The following LETMD1 variants were observed in gnomAD, a reference collection of about 807,000 sequenced individuals.
LETMD1 encodes the protein LETM1 domain-containing protein 1.
LETMD1 carries 30 observed loss-of-function variants against 43.9 expected under a neutral mutation model. That is an observed-to-expected ratio of 0.68 (90% CI 0.51 to 0.93). The LOEUF is 0.93. LETMD1 is among the 40% of genes least tolerant of loss of function. LETMD1 has a pLI of 0.00. For synonymous variants in LETMD1, 176 were observed against 163.1 expected (o/e 1.08, Z -0.60); for missense variants, 413 against 447.7 (o/e 0.92, Z 0.70).
chr12:51,049,081 T>C lies in LETMD1; in HGVS notation c.170T>C (p.Met57Thr). The change falls in exon 2 of 9, where the codon ATG (methionine) becomes ACG (threonine). Residue 57 changes from methionine to threonine, a missense_variant. By Grantham distance (81) the Met-to-Thr change is moderately conservative. Transcript: ENST00000262055. ...LSPKADVKNL[M>T]SYVVTKTKAI... ...CCAAAGGCAGATGTGAAGAACTTGA[T>C]GTCTTATGTGGTAACCAAGACAAAA... The C allele has an allele frequency of 6.2e-7, 1 of 1,614,112 alleles. No individual in the cohort carries two copies.
chr12:51,055,624 C>T (rs1852388389), intron 4 of LETMD1: 3 of 439,644 alleles, frequency 6.8e-6, no homozygotes, highest in Middle Eastern at 6.1e-4. Context: ...GTGATCTTGC[C>T]ACTGTACTCC....
chr12:51,058,054 AT>A lies in LETMD1; in HGVS notation c.940del (p.Ser314LeufsTer23), dbSNP rs763017585. 1 of 1,613,466 alleles carries A rather than the reference AT, an allele frequency of 6.2e-7. No homozygotes were observed. The highest frequency in any genetic ancestry group is 1.7e-5 in the Admixed American group (1 of 60,018). ...TAGGCTTGTTATCTCCGTGGCCTGA[AT>A]TCTACGCATATTGGTGAAGATAGGT... ...VKSACYLRGL[N>X]STHIGEDRCR... On this transcript the variant is annotated frameshift_variant, in exon 8 of 9. Coordinates refer to ENST00000262055, the MANE Select transcript of LETMD1 (RefSeq NM_015416.5). LOFTEE classifies it high-confidence loss of function.
intron 5 of LETMD1, 37 bp from the exon 6 acceptor site, chr12:51,056,107 C>G (rs1266373985): frequency 4.4e-6 from 7 of 1,606,044 alleles, no homozygotes; most frequent in Middle Eastern, 3.3e-4. Flanking sequence ...GTAGTCAGGA[C>G]TTTCCTAACA....
intron 7 of LETMD1, chr12:51,056,708 A>G (rs1947847202): frequency 4.7e-6 from 2 of 426,412 alleles, no homozygotes; most frequent in Admixed American, 4.0e-5. Context: ...AGGCTAGAGT[A>G]CAGTGGCACA....
chr12:51,049,190 A>G lies in LETMD1; in HGVS notation c.274+5A>G. 6.2e-7 allele frequency: 1 copy of G among 1,607,112 alleles called. No individual in the cohort carries two copies. Among genetic ancestry groups the G allele is most frequent in the Non-Finnish European group, 8.5e-7 (1 of 1,176,228 alleles). ...TGTACACAATCTTCATGAAAGGTAA[A>G]AACGAAACTACAATAGAAATTCCGG... On this transcript the variant is annotated splice_donor_5th_base_variant and intron_variant, in intron 2 of 8. Transcript: ENST00000262055.
chr12:51,050,041 C>G (rs1945551880), intron 2 of LETMD1, among the ~76,000 whole-genome samples: 1 of 152,166 alleles, frequency 6.6e-6, no homozygotes, highest in Non-Finnish European at 1.5e-5. Context: ...TATCATAACA[C>G]TATAATAAAC....
At chr12:51,051,879 G>A (rs1485512383) in intron 2 of LETMD1, among the ~76,000 whole-genome samples, 2 of 152,174 alleles carry the variant, frequency 1.3e-5, no homozygotes, top group Admixed American at 6.6e-5. Flanking sequence ...GAAGCCAAAT[G>A]TAGCTAGAAG....
the LETMD1 span, chr12:51,067,606 G>C: frequency 1.3e-6 from 2 of 1,503,928 alleles, no homozygotes; most frequent in East Asian, 2.3e-5. The surrounding 1 kb of genome is among the most constrained non-coding windows in gnomAD (Gnocchi z 4.1). Flanking sequence ...CCCATGTTCA[G>C]TGGCACCCAC....
At chr12:51,062,677 C>T (rs1384987510), downstream of LETMD1, 1 of 152,086 alleles carries the variant, frequency 6.6e-6, no homozygotes, top group Non-Finnish European at 1.5e-5. Context: ...AGTATAAGAA[C>T]TCTAACCCGC....
At chr12:51,059,323 AGT>A in intron 8 of LETMD1, 36 bp from the exon 9 acceptor site, 1 of 1,584,036 alleles carries the variant, frequency 6.3e-7, no homozygotes, top group Non-Finnish European at 8.7e-7. Context: ...GTTATAAGGC[AGT>A]GTTCCCAAGC....
At chr12:51,066,228 G>A in the LETMD1 span, among the ~76,000 whole-genome samples, 1 of 152,168 alleles carries the variant, frequency 6.6e-6, no homozygotes, top group Non-Finnish European at 1.5e-5. Flanking sequence ...GCTGAGGCAG[G>A]CGGATCACGA....
intron 3 of LETMD1, 71 bp from the exon 4 acceptor site, chr12:51,053,707 G>A (rs969041687): frequency 9.1e-6 from 9 of 992,402 alleles, no homozygotes; most frequent in Non-Finnish European, 1.4e-5. Flanking sequence ...TGTACAGTGG[G>A]GTGGATGGAT....
At chr12:51,055,079 G>A (rs1370496201) in intron 4 of LETMD1, among the ~76,000 whole-genome samples, 1 of 151,878 alleles carries the variant, frequency 6.6e-6, no homozygotes, top group Non-Finnish European at 1.5e-5. Context: ...CAGCTTGGGT[G>A]ACAGAGCGAG....
rs1330063369 is a variant in LETMD1 at position 51,059,530 on chromosome 12, G to A, written c.*99G>A. The stretch of plus-strand genomic sequence containing the variant: ...GCAAAGTCTGTGTGTACTGTTAAGT[G>A]TGTGGGAGGCAGAGAGAGGAGCAGG... On this transcript the variant is annotated 3_prime_UTR_variant, in exon 9 of 9. Transcript: ENST00000262055. The A allele has an allele frequency of 1.9e-6, 2 of 1,067,056 alleles. No homozygotes were observed. Among genetic ancestry groups the A allele is most frequent in the Non-Finnish European group, 2.9e-6 (2 of 691,008 alleles). The allele number at this position is 1,067,056 out of a possible 1,614,324, so 66.1% of individuals were successfully genotyped here. A position where few individuals can be genotyped will look rare whatever the true frequency, so the allele number is the denominator to read the frequency against.
intron 2 of LETMD1, 118 bp downstream of exon 2, chr12:51,049,303 A>G: frequency 1.2e-6 from 1 of 831,820 alleles, no homozygotes; most frequent in Non-Finnish European, 1.9e-6. Flanking sequence ...GATATCTTAT[A>G]TTTCATAAAT....
Position 51,048,475 on chromosome 12 carries a change from C to T in LETMD1, c.119C>T (p.Pro40Leu). ...LGRSGLAWGA[P>L]RSSKLHLSPK... ...CGCTCTGGCCTGGCTTGGGGGGCCC[C>T]TCGGTGAGGGACCTGTAGCGAGAAA... is the stretch of plus-strand genomic sequence containing the variant. Residue 40 changes from proline to leucine, a missense_variant, in exon 1 of 9, where the codon CCT (proline) becomes CTT (leucine). By Grantham distance (98) the Pro-to-Leu change is moderately conservative. Transcript: ENST00000262055. 6.8e-6 allele frequency: 11 copies of T among 1,613,442 alleles called. No individual in the cohort carries two copies. The highest frequency in any genetic ancestry group is 9.3e-6 in the Non-Finnish European group (11 of 1,180,022).
In LETMD1 at chr12:51,052,002, TTTGCATGTGA is replaced by T. The variant is rs1228916212; in HGVS notation, c.275-86_275-77del. On this transcript the variant is annotated intron_variant, in intron 2 of 8. Transcript: ENST00000262055. ...GTATCGTTGGGGAGGGGTGAGAGTGTTTGCATGTGATTGAACATGGAGTAGGAAGCTGTGG... is the reference window on the plus strand; with the variant it reads ...GTATCGTTGGGGAGGGGTGAGAGTGTTTGAACATGGAGTAGGAAGCTGTGG... 1.5e-5 allele frequency: 18 copies of T among 1,187,682 alleles called. No individual in the cohort carries two copies. The East Asian group carries it at 4.1e-4, about 27-fold the overall frequency. The allele number at this position is 1,187,682 out of a possible 1,614,324, so 73.6% of individuals were successfully genotyped here.
chr12:51,057,048 G>T (rs548109147), intron 7 of LETMD1: 1 of 153,030 alleles, frequency 6.5e-6, no homozygotes, highest in Non-Finnish European at 1.5e-5. Flanking sequence ...GAATACAGCC[G>T]TGAACCACTG....
chr12:51,053,360 G>A (rs772360913), intron 3 of LETMD1, among the ~76,000 whole-genome samples: 11 of 152,080 alleles, frequency 7.2e-5, no homozygotes, highest in Admixed American at 1.3e-4. Context: ...AATAAACTTG[G>A]GGACCACATG....
Sources: allele counts gnomAD v4.1 joint callset (sites outside exome capture counted in the v4.1 genomes callset), GRCh38; gene constraint gnomAD v4.1.1; non-coding constraint Gnocchi (gnomAD v3.1); transcripts MANE v1.5; gene names NCBI Gene and HGNC (gene_info 2026-07-23, HGNC 2026-07-21).